Variants in MAPK10 observed in about 807,000 individuals in gnomAD.
MAPK10 encodes JNK3 alpha protein kinase.
A neutral mutation model predicts 59.3 loss-of-function variants in MAPK10; 25 were observed. The ratio of observed to expected loss-of-function variants is 0.42; its 90% confidence interval spans 0.31 to 0.59. The LOEUF is 0.59. Ranked by LOEUF, MAPK10 falls within the 20% of genes least tolerant of loss-of-function variation. The probability of loss-of-function intolerance (pLI) is 0.15; values close to 1 mark genes in which losing one functional copy is unlikely to be tolerated. For missense variants in MAPK10, 351 were observed against 568.9 expected (o/e 0.62, Z 3.90); for synonymous variants, 190 against 200.5 (o/e 0.95, Z 0.44).
chr4:86,037,598 T>C (rs1206512011), intron 11 of MAPK10, among the ~76,000 whole-genome samples: 2 of 152,112 alleles, frequency 1.3e-5, no homozygotes, highest in African/African-American at 2.4e-5. Flanking sequence ...TTGAGTAAAA[T>C]GTGTGAATTT....
intron 4 of MAPK10, among the ~76,000 whole-genome samples, chr4:86,135,937 A>C (rs1406161380): frequency 1.3e-5 from 2 of 152,210 alleles, no homozygotes; most frequent in South Asian, 4.1e-4. Context: ...GGGTATCAGC[A>C]ATGGAAGATG....
At chr4:86,448,039 T>C (rs940938672) in intron 1 of MAPK10, among the ~76,000 whole-genome samples, 7 of 152,172 alleles carry the variant, frequency 4.6e-5, no homozygotes, top group African/African-American at 1.7e-4. Flanking sequence ...ATAATAATGG[T>C]TCCTATCTCA....
In MAPK10 at chr4:86,357,264, A is replaced by G. The variant is rs563362536; in HGVS notation, c.-122+2394T>C. On this transcript the variant is annotated intron_variant, in intron 1 of 13. Coordinates refer to ENST00000641462, the MANE Select transcript of MAPK10 (RefSeq NM_138982.4). ...CAGAACTAGAGCATGAAGGGAGAAC[A>G]TCTATCCCCATATTTAACAAACAAG... Among the ~76,000 whole-genome samples, 5 of 152,320 alleles carry G rather than the reference A, an allele frequency of 3.3e-5. No individual in the cohort carries two copies. In the South Asian group the frequency reaches 6.2e-4, roughly 19 times the overall value.
intron 2 of MAPK10, among the ~76,000 whole-genome samples, chr4:86,310,411 C>G (rs7654796): frequency 0.26 from 39,456 of 152,008 alleles, 5,400 homozygotes; most frequent in South Asian, 0.43. Context: ...GCAATGCCCT[C>G]TATTTTGGCT....
rs1196030454 is a variant in MAPK10 at position 86,153,991 on chromosome 4, C to A, written c.236+5307G>T. 2.0e-5 allele frequency among the ~76,000 whole-genome samples: 3 copies of A among 152,208 alleles called. No homozygotes were observed. In the East Asian group the frequency reaches 5.8e-4, roughly 29 times the overall value. Reference sequence around the variant, plus strand: ...ATGTACATGAGAGGATAATCATTTCCACTGGTCAGGGGCTAAATGGAAATG... The same window carrying A: ...ATGTACATGAGAGGATAATCATTTCAACTGGTCAGGGGCTAAATGGAAATG... On this transcript the variant is annotated intron_variant, in intron 4 of 13. Transcript: ENST00000641462.
At chr4:86,373,649 A>G (rs1202818633) in intron 1 of MAPK10, among the ~76,000 whole-genome samples, 2 of 152,218 alleles carry the variant, frequency 1.3e-5, no homozygotes, top group Non-Finnish European at 2.9e-5. Context: ...CAAACATATG[A>G]AAAAAAGTTC....
chr4:86,093,111 G>A lies in MAPK10; in HGVS notation c.802+5413C>T, dbSNP rs115984295. Among the ~76,000 whole-genome samples the A allele has an allele frequency of 7.3e-3, 1,114 of 151,982 alleles. 12 individuals carry two copies. Among genetic ancestry groups the A allele is most frequent in the African/African-American group, 0.026 (1,068 of 41,492 alleles). ...AAGAGATAGAAATTATACAATGTAAGCCCTGGAAGTTAAATCTAAATAAAT... is the reference window on the plus strand; with the variant it reads ...AAGAGATAGAAATTATACAATGTAAACCCTGGAAGTTAAATCTAAATAAAT... On this transcript the variant is annotated intron_variant, in intron 9 of 13. Transcript: ENST00000641462.
intron 4 of MAPK10, among the ~76,000 whole-genome samples, chr4:86,110,701 G>T (rs574990514): frequency 1.3e-5 from 2 of 152,206 alleles, no homozygotes; most frequent in African/African-American, 4.8e-5. Context: ...GCTTAGGATT[G>T]TCTTGGCTAT....
At chr4:86,170,406 C>A (rs2073739487) in intron 3 of MAPK10, among the ~76,000 whole-genome samples, 1 of 152,100 alleles carries the variant, frequency 6.6e-6, no homozygotes. Flanking sequence ...GCAGAGGTTA[C>A]AATCCTAGTC....
chr4:86,340,079 T>C (rs1244485023), intron 2 of MAPK10, among the ~76,000 whole-genome samples: 1 of 152,242 alleles, frequency 6.6e-6, no homozygotes, highest in East Asian at 1.9e-4. Context: ...TAGGTAATGA[T>C]ACTTGCTAAA....
At chr4:86,159,570 A>G (rs1483993389) in intron 3 of MAPK10, 103 bp from the exon 4 acceptor site, 1 of 879,128 alleles carries the variant, frequency 1.1e-6, no homozygotes, top group Non-Finnish European at 1.7e-6. Flanking sequence ...ACACTTAGCC[A>G]TCTATCATCT....
intron 2 of MAPK10, among the ~76,000 whole-genome samples, chr4:86,312,666 T>A (rs1008575219): frequency 6.6e-6 from 1 of 152,062 alleles, no homozygotes; most frequent in African/African-American, 2.4e-5. Flanking sequence ...CTAACAAAGA[T>A]CATTTCCCAA....
chr4:86,132,581 C>T (rs180929108), intron 4 of MAPK10, among the ~76,000 whole-genome samples: 3 of 152,188 alleles, frequency 2.0e-5, no homozygotes, highest in Admixed American at 6.5e-5. Flanking sequence ...GACAAGGGTC[C>T]CCAACCGGGC....
intron 1 of MAPK10, among the ~76,000 whole-genome samples, chr4:86,566,154 C>T (rs1361823270): frequency 1.3e-5 from 2 of 152,172 alleles, no homozygotes; most frequent in African/African-American, 4.8e-5. Context: ...TTGGTATTGA[C>T]TTTGTTCCTC....
At chr4:86,410,449 A>G (rs1186211683) in intron 1 of MAPK10, among the ~76,000 whole-genome samples, 3 of 152,088 alleles carry the variant, frequency 2.0e-5, no homozygotes, top group Admixed American at 6.5e-5. Context: ...CTCTTTTTCT[A>G]TTGATTGGAA....
At position 86,329,957 on chromosome 4, in the gene MAPK10, C is replaced by G. The variant is rs559386854; in HGVS notation, c.-7+24573G>C. Among the ~76,000 whole-genome samples the G allele has an allele frequency of 5.3e-5, 8 of 152,238 alleles. No individual in the cohort carries two copies. In the East Asian group the frequency reaches 1.5e-3, roughly 29 times the overall value. The stretch of plus-strand genomic sequence containing the variant: ...AAAGATGGGCAGAGGCATATATTCT[C>G]CAGACTTTTAATTTAGTAGAATTTT... On this transcript the variant is annotated intron_variant, in intron 2 of 13. Coordinates refer to ENST00000641462, the MANE Select transcript of MAPK10 (RefSeq NM_138982.4).
In MAPK10 at chr4:86,216,295, C is replaced by CATATAT. The variant is rs10639041; in HGVS notation, c.-6-21894_-6-21889dup. On this transcript the variant is annotated intron_variant, in intron 2 of 13. Coordinates refer to ENST00000641462, the MANE Select transcript of MAPK10 (RefSeq NM_138982.4). ...ATAGCACACACACATATATATATAG[C>CATATAT]ATATATATATATATATATATATAGC... Among the ~76,000 whole-genome samples, 1,142 of 131,118 alleles carry CATATAT rather than the reference C, an allele frequency of 8.7e-3. 13 individuals carry two copies. Among genetic ancestry groups the CATATAT allele is most frequent in the African/African-American group, 0.032 (994 of 31,344 alleles). The allele number at this position is 131,118 out of a possible 152,430, so 86.0% of individuals were successfully genotyped here. A position where few individuals can be genotyped will look rare whatever the true frequency, so the allele number is the denominator to read the frequency against.
intron 11 of MAPK10, chr4:86,031,646 G>A: frequency 2.2e-6 from 1 of 460,950 alleles, no homozygotes; most frequent in South Asian, 3.7e-5. Flanking sequence ...CAATATTGCT[G>A]CAATATTTGC....
chr4:86,373,071 A>G (rs537226299), intron 1 of MAPK10, among the ~76,000 whole-genome samples: 15 of 152,314 alleles, frequency 9.8e-5, no homozygotes, highest in African/African-American at 3.4e-4. Flanking sequence ...ATATAGACCA[A>G]TGGAACAGAA....
Sources: gnomAD v4.1 joint callset for allele counts (sites outside exome capture counted in the v4.1 genomes callset) on GRCh38, gnomAD v4.1.1 for gene constraint, MANE v1.5 for transcripts, NCBI Gene and HGNC (gene_info 2026-07-23, HGNC 2026-07-21) for gene names.